Variants in PCGF2 observed in about 807,000 individuals in gnomAD.
PCGF2 encodes polycomb group ring finger 2.
A neutral mutation model predicts 36.1 loss-of-function variants in PCGF2; 8 were observed. The ratio of observed to expected loss-of-function variants is 0.22; its 90% CI spans 0.13 to 0.40. PCGF2 has a LOEUF of 0.40. PCGF2 is among the 10% of genes least tolerant of loss of function. PCGF2 has a pLI of 1.00. For missense variants in PCGF2, 436 were observed against 475.9 expected (o/e 0.92, Z 0.78); for synonymous variants, 198 against 191.2 (o/e 1.04, Z -0.29).
chr17:38,741,216 AGCCGTGATTAT>A (rs1907183084), intron 2 of PCGF2, among the ~76,000 whole-genome samples: 1 of 151,686 alleles, frequency 6.6e-6, no homozygotes. Flanking sequence ...GGCTACAGTG[AGCCGTGATTAT>A]GCCACTGCAC....
At chr17:38,748,840 C>G (rs1907731909), upstream of PCGF2, among the ~76,000 whole-genome samples, 1 of 152,208 alleles carries the variant, frequency 6.6e-6, no homozygotes, top group Non-Finnish European at 1.5e-5. Flanking sequence ...TCATTCACTC[C>G]AAGTGACACT....
At chr17:38,744,309 C>T (rs1437878936) in intron 2 of PCGF2, among the ~76,000 whole-genome samples, 3 of 152,218 alleles carry the variant, frequency 2.0e-5, no homozygotes, top group African/African-American at 4.8e-5. Flanking sequence ...TTTCCCAATC[C>T]TTAAAGACCC....
intron 3 of PCGF2, among the ~76,000 whole-genome samples, chr17:38,740,046 T>C (rs1279285981): frequency 6.6e-6 from 1 of 152,220 alleles, no homozygotes; most frequent in Non-Finnish European, 1.5e-5. Context: ...GCATAAAATT[T>C]CAGCCATTTC....
intron 2 of PCGF2, among the ~76,000 whole-genome samples, chr17:38,741,117 G>A (rs1250396577): frequency 1.3e-5 from 2 of 151,986 alleles, no homozygotes; most frequent in East Asian, 3.9e-4. Context: ...GTCGGGCACA[G>A]TGGCTCATGT....
intron 2 of PCGF2, among the ~76,000 whole-genome samples, chr17:38,747,554 G>T (rs1907614950): frequency 6.6e-6 from 1 of 152,030 alleles, no homozygotes; most frequent in Admixed American, 6.5e-5. Flanking sequence ...CTGCTGAGGT[G>T]GTTCGGGGAG....
chr17:38,744,602 C>T (rs982346884), intron 2 of PCGF2, among the ~76,000 whole-genome samples: 15 of 152,116 alleles, frequency 9.9e-5, no homozygotes, highest in African/African-American at 3.1e-4. Flanking sequence ...GTGATCTGCC[C>T]GCCTCGGCCT....
At chr17:38,736,332 T>C (rs1396415942) in intron 9 of PCGF2, among the ~76,000 whole-genome samples, 162 bp from the exon 10 acceptor site, 1 of 152,182 alleles carries the variant, frequency 6.6e-6, no homozygotes, top group Non-Finnish European at 1.5e-5. Flanking sequence ...GTCAGAGTTG[T>C]TCCAACATAA....
At chr17:38,737,717 G>T (rs955409185) in intron 9 of PCGF2, among the ~76,000 whole-genome samples, 1 of 151,732 alleles carries the variant, frequency 6.6e-6, no homozygotes, top group African/African-American at 2.4e-5. Flanking sequence ...TTTAAGACCA[G>T]CCTGGCCAAC....
Position 38,734,971 on chromosome 17 carries a change from A to C in PCGF2, c.*252T>G. On this transcript the variant is annotated 3_prime_UTR_variant, in exon 11 of 11. Transcript: ENST00000620225. ...ACCCCCCCCAAAAAAAATGAACACC[A>C]TTTTCCACACATACACACACACATA... The C allele has an allele frequency of 2.3e-5, 7 of 301,450 alleles. No homozygotes were observed. The highest frequency in any genetic ancestry group is 5.3e-5 in the East Asian group (1 of 18,874). The allele number at this position is 301,450 out of a possible 1,614,324, so 18.7% of individuals were successfully genotyped here.
intron 3 of PCGF2, among the ~76,000 whole-genome samples, 199 bp downstream of exon 3, chr17:38,740,077 GATGTGAGTCCTTGAA>G (rs1383274318): frequency 2.0e-5 from 3 of 152,262 alleles, no homozygotes; most frequent in African/African-American, 4.8e-5. Flanking sequence ...TGAGATTTCA[GATGTGAGTCCTTGAA>G]ATGAACTTCT....
chr17:38,745,363 G>A (rs142326161), intron 2 of PCGF2, among the ~76,000 whole-genome samples: 4,751 of 152,096 alleles, frequency 0.031, 253 homozygotes, highest in African/African-American at 0.11. Flanking sequence ...AAAATTAGCG[G>A]AGCATGGTGG....
At chr17:38,737,037 G>A (rs1406573514) in intron 9 of PCGF2, among the ~76,000 whole-genome samples, 1 of 151,984 alleles carries the variant, frequency 6.6e-6, no homozygotes, top group Non-Finnish European at 1.5e-5. Context: ...AGGCTAAGGT[G>A]GGAGAATCGC....
chr17:38,742,174 CCTG>C (rs1907243746), intron 2 of PCGF2, among the ~76,000 whole-genome samples: 2 of 152,176 alleles, frequency 1.3e-5, no homozygotes, highest in Admixed American at 6.5e-5. Flanking sequence ...TCAAACCAAA[CCTG>C]CACCTGGAAG....
At chr17:38,736,233 T>TGGG (rs954416740) in intron 9 of PCGF2, 63 bp from the exon 10 acceptor site, 1 of 1,006,846 alleles carries the variant, frequency 9.9e-7, no homozygotes, top group Non-Finnish European at 1.5e-6. Flanking sequence ...GCTGGGAATG[T>TGGG]GGGGGACTGG....
At position 38,739,557 on chromosome 17, in the gene PCGF2, G is replaced by A. The variant is rs747023531; in HGVS notation, c.209+29C>T. The A allele has an allele frequency of 2.9e-5, 45 of 1,530,584 alleles. No individual in the cohort carries two copies. Among genetic ancestry groups the A allele is most frequent in the Non-Finnish European group, 3.6e-5 (40 of 1,103,996 alleles). 94.8% of individuals were successfully genotyped at this position (1,530,584 alleles called of 1,614,324 possible). A position where few individuals can be genotyped will look rare whatever the true frequency, so the allele number is the denominator to read the frequency against. ...GGGGGAGGCTGACCCAGAGGATCGC[G>A]GGGACAGGAGGTGCCGTGCCAAGCC... On this transcript the variant is annotated intron_variant, in intron 4 of 10. Coordinates refer to ENST00000620225, the MANE Select transcript of PCGF2 (RefSeq NM_007144.3). This position sits in a 1 kb window ranked among gnomAD's most constrained non-coding sequence, Gnocchi z 4.0.
intron 3 of PCGF2, among the ~76,000 whole-genome samples, chr17:38,740,006 G>A (rs941095495): frequency 6.6e-6 from 1 of 152,314 alleles, no homozygotes; most frequent in Admixed American, 6.5e-5. Context: ...CAAGCCCACA[G>A]TGCAAACAAG....
chr17:38,740,974 G>A (rs768084289), intron 2 of PCGF2, among the ~76,000 whole-genome samples: 2 of 152,158 alleles, frequency 1.3e-5, no homozygotes, highest in Non-Finnish European at 2.9e-5. Context: ...GAGCAACAAG[G>A]TTAGGCTTCC....
rs1347945026 is a variant in PCGF2 at position 38,734,822 on chromosome 17, T to C, written c.*401A>G. ...GGAATCATGCCTAAAGCTTTGGGTCTGAAGGGGCCCCCAACACACCACCTG... is the reference window on the plus strand; with the variant it reads ...GGAATCATGCCTAAAGCTTTGGGTCCGAAGGGGCCCCCAACACACCACCTG... On this transcript the variant is annotated 3_prime_UTR_variant, in exon 11 of 11. Coordinates refer to ENST00000620225, the MANE Select transcript of PCGF2 (RefSeq NM_007144.3). 6 of 160,338 alleles carry C rather than the reference T, an allele frequency of 3.7e-5. No homozygotes were observed. The highest frequency in any genetic ancestry group is 8.1e-5 in the Non-Finnish European group (6 of 73,714). 9.9% of individuals were successfully genotyped at this position (160,338 alleles called of 1,614,324 possible). A position where few individuals can be genotyped will look rare whatever the true frequency, so the allele number is the denominator to read the frequency against.
Position 38,740,380 on chromosome 17 carries a change from T to C in PCGF2, c.23A>G (p.Lys8Arg). 6.8e-7 allele frequency: 1 copy of C among 1,476,218 alleles called. No homozygotes were observed. Among genetic ancestry groups the C allele is most frequent in the Non-Finnish European group, 9.1e-7 (1 of 1,092,918 alleles). The allele number at this position is 1,476,218 out of a possible 1,614,324, so 91.4% of individuals were successfully genotyped here. The change falls in exon 3 of 11, where the codon AAA (lysine) becomes AGA (arginine). Residue 8 changes from lysine to arginine, a missense_variant. Around this residue, in one of 3 missense-constraint regions of PCGF2, gnomAD observed 189 missense variants for 219.3 expected, o/e 0.86. Transcript: ENST00000620225. MHRTTRI[K>R]ITELNPHLMC... is the part of the protein sequence containing the mutation. The stretch of plus-strand genomic sequence containing the variant: ...GAGGTGGGGGTTCAGCTCTGTGATT[T>C]TGATCCGTGTAGTCCGATGCATGAT...
Sources: allele counts gnomAD v4.1 joint callset (sites outside exome capture counted in the v4.1 genomes callset), GRCh38; gene constraint gnomAD v4.1.1; regional missense constraint gnomAD v4.1.1; non-coding constraint Gnocchi (gnomAD v3.1); transcripts MANE v1.5; gene names NCBI Gene and HGNC (gene_info 2026-07-23, HGNC 2026-07-21).